Variants in CHD1L observed in about 807,000 individuals in gnomAD.
The protein encoded by CHD1L is chromodomain helicase DNA binding protein 1 like, also known as ATP-dependent chromatin remodeler CHD1L.
A neutral mutation model predicts 115.9 loss-of-function variants in CHD1L; 118 were observed. That is an observed-to-expected ratio of 1.02 (90% CI 0.88 to 1.19). The LOEUF (loss-of-function observed/expected upper bound fraction) is 1.19. CHD1L is among the 50% of genes most tolerant of loss of function. The pLI is 0.00. For missense variants in CHD1L, 1,179 were observed against 1,065.3 expected (o/e 1.11, Z -1.49); for synonymous variants, 411 against 387.1 (o/e 1.06, Z -0.72).
Position 147,295,653 on chromosome 1 carries a change from G to T in CHD1L, c.*144G>T. The T allele has an allele frequency of 1.5e-6, 1 of 645,480 alleles. No individual in the cohort carries two copies. Among genetic ancestry groups the T allele is most frequent in the Non-Finnish European group, 2.6e-6 (1 of 390,940 alleles). The allele number at this position is 645,480 out of a possible 1,614,324, so 40.0% of individuals were successfully genotyped here. ...TCTGAGTTTCAGTTTGGTTCTCCTGGATGTTTTGCTCTGTTTTGGTACCTG... is the reference window on the plus strand; with the variant it reads ...TCTGAGTTTCAGTTTGGTTCTCCTGTATGTTTTGCTCTGTTTTGGTACCTG... On this transcript the variant is annotated 3_prime_UTR_variant, in exon 23 of 23. Transcript: ENST00000369258.
intron 3 of CHD1L, among the ~76,000 whole-genome samples, chr1:147,255,568 A>T (rs1669834621): frequency 6.6e-6 from 1 of 151,954 alleles, no homozygotes. Flanking sequence ...TGTGGAAGAG[A>T]TCGTTTTATT....
the CHD1L span, chr1:147,214,959 T>C: frequency 6.6e-6 from 1 of 152,174 alleles, no homozygotes; most frequent in African/African-American, 2.4e-5. Flanking sequence ...CTAGATGTTT[T>C]CATTTTCTTA....
chr1:147,235,774 A>G, the CHD1L span, among the ~76,000 whole-genome samples: 1 of 152,188 alleles, frequency 6.6e-6, no homozygotes, highest in Non-Finnish European at 1.5e-5. Flanking sequence ...AGGGTGAATC[A>G]TGAGAAACAT....
At chr1:147,228,572 G>C in the CHD1L span, among the ~76,000 whole-genome samples, 14 of 152,116 alleles carry the variant, frequency 9.2e-5, no homozygotes, top group Admixed American at 1.3e-4. Context: ...CTAGATCCCT[G>C]AGGAATCGCC....
chr1:147,252,855 C>T, intron 2 of CHD1L, 120 bp downstream of exon 2: 1 of 792,036 alleles, frequency 1.3e-6, no homozygotes, highest in Non-Finnish European at 2.0e-6. Flanking sequence ...CCCTGGGATC[C>T]AGGCTAACTG....
intron 7 of CHD1L, 60 bp downstream of exon 7, chr1:147,264,644 CA>C: frequency 6.5e-7 from 1 of 1,540,872 alleles, no homozygotes; most frequent in South Asian, 1.2e-5. Context: ...CATCCTCATG[CA>C]TAATGGTTAT....
chr1:147,260,080 T>A (rs1671420681), intron 6 of CHD1L, 162 bp downstream of exon 6: 1 of 522,582 alleles, frequency 1.9e-6, no homozygotes, highest in South Asian at 2.9e-5. Flanking sequence ...GTCCCCACAC[T>A]TGTACAGCTT....
At chr1:147,222,168 G>A in the CHD1L span, among the ~76,000 whole-genome samples, 4 of 152,282 alleles carry the variant, frequency 2.6e-5, no homozygotes, top group East Asian at 3.9e-4. Context: ...TGAGGAGTTC[G>A]AGAATAGCCT....
chr1:147,228,009 C>T, the CHD1L span, among the ~76,000 whole-genome samples: 2 of 148,508 alleles, frequency 1.3e-5, no homozygotes, highest in African/African-American at 4.9e-5. Context: ...ATGGAGGCCA[C>T]TTTTTTTTTT....
At chr1:147,280,487 A>T (rs139833376) in intron 15 of CHD1L, among the ~76,000 whole-genome samples, 1 of 152,310 alleles carries the variant, frequency 6.6e-6, no homozygotes, top group Non-Finnish European at 1.5e-5. Flanking sequence ...GGTTGCAAAC[A>T]TCTTCTTCTT....
the CHD1L span, chr1:147,215,752 AC>A: frequency 6.3e-7 from 1 of 1,591,648 alleles, no homozygotes; most frequent in East Asian, 2.2e-5. Flanking sequence ...ACAATTTTCT[AC>A]CTTAAATCGA....
chr1:147,268,853 A>G lies in CHD1L; in HGVS notation c.1060A>G (p.Lys354Glu). 1 of 1,613,454 alleles carries G rather than the reference A, an allele frequency of 6.2e-7. No homozygotes were observed. Among genetic ancestry groups the G allele is most frequent in the Non-Finnish European group, 8.5e-7 (1 of 1,179,548 alleles). The change falls in exon 10 of 23, where the codon AAG becomes GAG. Residue 354 changes from lysine to glutamate, a missense_variant. By Grantham distance (56) the Lys-to-Glu change is moderately conservative. Transcript: ENST00000369258. The stretch of plus-strand genomic sequence containing the variant: ...TAGTGGGAAGCTTCACCTGCTGGAT[A>G]AGCTACTAGCATTCCTGTATTCTGG... ...EASGKLHLLD[K>E]LLAFLYSGGH...
chr1:147,196,443 G>A, the CHD1L span, among the ~76,000 whole-genome samples: 1 of 151,854 alleles, frequency 6.6e-6, no homozygotes, highest in African/African-American at 2.4e-5. Context: ...ACATGAAGGA[G>A]GAGGTATATT....
At chr1:147,178,366 T>C in the CHD1L span, 1 of 1,612,150 alleles carries the variant, frequency 6.2e-7, no homozygotes, top group Non-Finnish European at 8.5e-7. Flanking sequence ...AAAGGCTGAT[T>C]GCACTGCCAA....
chr1:147,253,652 A>G (rs587744802), intron 2 of CHD1L, among the ~76,000 whole-genome samples: 2 of 152,158 alleles, frequency 1.3e-5, no homozygotes, highest in African/African-American at 4.8e-5. Context: ...GCATGCCACC[A>G]TGCACAGCTT....
At chr1:147,283,192 T>G (rs764797994) in intron 15 of CHD1L, among the ~76,000 whole-genome samples, 5 of 152,158 alleles carry the variant, frequency 3.3e-5, no homozygotes, top group Non-Finnish European at 7.3e-5. Flanking sequence ...TTTTTTCTAC[T>G]TGTTGATAGA....
At chr1:147,274,574 T>G (rs1553955951) in intron 12 of CHD1L, among the ~76,000 whole-genome samples, 2 of 152,118 alleles carry the variant, frequency 1.3e-5, no homozygotes, top group African/African-American at 4.8e-5. Context: ...TTTGTACTTG[T>G]TTTCACATTA....
chr1:147,258,077 A>G (rs1200347969), intron 5 of CHD1L, among the ~76,000 whole-genome samples: 2 of 152,204 alleles, frequency 1.3e-5, no homozygotes, highest in African/African-American at 4.8e-5. Context: ...CATTCTGAGA[A>G]TAGCAGGGAA....
At chr1:147,231,492 G>T in the CHD1L span, among the ~76,000 whole-genome samples, 1 of 152,224 alleles carries the variant, frequency 6.6e-6, no homozygotes, top group East Asian at 1.9e-4. Flanking sequence ...TGTTGATTTG[G>T]GGTGGAGAGT....
Sources: allele counts gnomAD v4.1 joint callset (sites outside exome capture counted in the v4.1 genomes callset), GRCh38; gene constraint gnomAD v4.1.1; transcripts MANE v1.5; gene names NCBI Gene and HGNC (gene_info 2026-07-23, HGNC 2026-07-21).